GABRG3: variants seen among roughly 807,000 people sequenced by gnomAD.
The protein encoded by GABRG3 is gamma-aminobutyric acid type A receptor subunit gamma3, also known as gamma-aminobutyric acid receptor subunit gamma-3.
GABRG3 carries 25 observed loss-of-function variants against 48.8 expected under a neutral mutation model. The observed-to-expected ratio is 0.51, with a 90% CI of 0.37 to 0.72. The LOEUF is 0.72. Among genes scored for constraint, GABRG3 ranks in the 30% least tolerant of loss-of-function variants. GABRG3 has a pLI of 0.00. For missense variants in GABRG3, 394 were observed against 577.9 expected (o/e 0.68, Z 3.26); for synonymous variants, 227 against 217.6 (o/e 1.04, Z -0.38).
intron 3 of GABRG3, among the ~76,000 whole-genome samples, chr15:27,198,626 C>T (rs1450724205): frequency 6.6e-6 from 1 of 152,106 alleles, no homozygotes; most frequent in African/African-American, 2.4e-5. Flanking sequence ...TACCATTTGA[C>T]CCAGCAATCC....
chr15:27,530,897 T>C (rs3097489), intron 9 of GABRG3: 199,936 of 329,374 alleles, frequency 0.61, 62,692 homozygotes, highest in African/African-American at 0.8. Context: ...TGCAATTGTT[T>C]GTTAATAAAG....
intron 3 of GABRG3, among the ~76,000 whole-genome samples, chr15:27,159,976 A>G (rs1191413321): frequency 2.6e-5 from 4 of 152,130 alleles, no homozygotes; most frequent in Non-Finnish European, 4.4e-5. Flanking sequence ...CTCCATGGCC[A>G]CAGACTCAGA....
chr15:27,508,211 A>G (rs945275460), intron 6 of GABRG3, among the ~76,000 whole-genome samples: 2 of 152,190 alleles, frequency 1.3e-5, no homozygotes, highest in African/African-American at 4.8e-5. Flanking sequence ...TTGTAAAAAC[A>G]TATTCCAGCT....
intron 5 of GABRG3, among the ~76,000 whole-genome samples, chr15:27,474,782 A>T (rs1889884953): frequency 6.6e-6 from 1 of 152,176 alleles, no homozygotes; most frequent in African/African-American, 2.4e-5. Flanking sequence ...AAAGGTCAAG[A>T]CAATAAGCAG....
intron 3 of GABRG3, among the ~76,000 whole-genome samples, chr15:27,235,435 C>A (rs1889929705): frequency 6.6e-6 from 1 of 150,740 alleles, no homozygotes; most frequent in Non-Finnish European, 1.5e-5. Flanking sequence ...ACATGGCTCA[C>A]TGTGTTTGTG....
intron 3 of GABRG3, among the ~76,000 whole-genome samples, chr15:27,176,515 G>A (rs116207567): frequency 6.6e-6 from 1 of 152,198 alleles, no homozygotes; most frequent in Non-Finnish European, 1.5e-5. Context: ...AGGAGTACCA[G>A]CAGTTATGGA....
intron 3 of GABRG3, among the ~76,000 whole-genome samples, chr15:27,270,208 A>G (rs928620245): frequency 2.6e-5 from 4 of 152,220 alleles, no homozygotes; most frequent in Non-Finnish European, 4.4e-5. Context: ...ATTATGAATG[A>G]TGTGTGTTTG....
intron 3 of GABRG3, among the ~76,000 whole-genome samples, chr15:27,073,984 C>T (rs1345778327): frequency 6.6e-6 from 1 of 152,194 alleles, no homozygotes; most frequent in East Asian, 1.9e-4. Flanking sequence ...TACAGTTCCA[C>T]GTGGCTGGGG....
chr15:27,218,964 G>A (rs989170263), intron 3 of GABRG3, among the ~76,000 whole-genome samples: 2 of 152,064 alleles, frequency 1.3e-5, no homozygotes, highest in African/African-American at 2.4e-5. Flanking sequence ...AATCCCCCTG[G>A]TCTCCTCTCT....
chr15:27,536,813 T>G lies in GABRG3; in HGVS notation c.*3932T>G, dbSNP rs908810742. Reference sequence around the variant, plus strand: ...AGAGGGGCCGGTAACCCATTCTGCATTGACTCCAGCTCCCTATGACTAGGA... The same window carrying G: ...AGAGGGGCCGGTAACCCATTCTGCAGTGACTCCAGCTCCCTATGACTAGGA... On this transcript the variant is annotated 3_prime_UTR_variant, in exon 10 of 10. Transcript: ENST00000615808. 6.6e-6 allele frequency: 1 copy of G among 152,166 alleles called. No homozygotes were observed. The highest frequency in any genetic ancestry group is 2.4e-5 in the African/African-American group (1 of 41,434). 9.4% of individuals were successfully genotyped at this position (152,166 alleles called of 1,614,324 possible). A position where few individuals can be genotyped will look rare whatever the true frequency, so the allele number is the denominator to read the frequency against.
chr15:27,333,576 C>A (rs1347165242), intron 5 of GABRG3, among the ~76,000 whole-genome samples: 24 of 152,216 alleles, frequency 1.6e-4, no homozygotes, highest in Non-Finnish European at 1.5e-5. Context: ...GATCTCCCAT[C>A]TAAGATCCTT....
intron 5 of GABRG3, among the ~76,000 whole-genome samples, chr15:27,431,860 A>G (rs544087360): frequency 2.0e-5 from 3 of 152,256 alleles, no homozygotes; most frequent in Admixed American, 6.5e-5. Context: ...CTCTTGTTTA[A>G]AAGTATTTCC....
chr15:27,193,432 C>T, intron 3 of GABRG3, among the ~76,000 whole-genome samples: 1 of 151,914 alleles, frequency 6.6e-6, no homozygotes, highest in East Asian at 1.9e-4. Context: ...GGCGGGCGCC[C>T]CTCCCCCAGC....
intron 5 of GABRG3, among the ~76,000 whole-genome samples, chr15:27,378,808 C>T (rs1375889371): frequency 2.0e-5 from 3 of 152,160 alleles, no homozygotes; most frequent in Non-Finnish European, 4.4e-5. Flanking sequence ...CCTCTGTCCT[C>T]TGGAGTTGAT....
At chr15:27,524,196 A>T (rs147640796) in intron 7 of GABRG3, among the ~76,000 whole-genome samples, 12 of 152,240 alleles carry the variant, frequency 7.9e-5, no homozygotes, top group Non-Finnish European at 1.8e-4. Flanking sequence ...TCTCATCCAA[A>T]CCATGGAGGC....
intron 3 of GABRG3, among the ~76,000 whole-genome samples, chr15:27,275,996 CA>C (rs933448290): frequency 6.6e-6 from 1 of 152,130 alleles, no homozygotes; most frequent in African/African-American, 2.4e-5. Context: ...TCTGCATCTG[CA>C]AAAAATATGC....
intron 2 of GABRG3, among the ~76,000 whole-genome samples, chr15:26,978,660 T>A (rs1358271184): frequency 2.0e-5 from 3 of 152,170 alleles, no homozygotes; most frequent in Non-Finnish European, 4.4e-5. Flanking sequence ...TATTTCTGGT[T>A]CTCTGTTTCG....
intron 5 of GABRG3, among the ~76,000 whole-genome samples, chr15:27,358,374 T>C (rs571312331): frequency 6.6e-6 from 1 of 152,324 alleles, no homozygotes; most frequent in South Asian, 2.1e-4. Context: ...TTGGCAAATC[T>C]GCTCTGGGGG....
At chr15:27,085,150 C>G (rs746705746) in intron 3 of GABRG3, among the ~76,000 whole-genome samples, 6 of 152,190 alleles carry the variant, frequency 3.9e-5, no homozygotes, top group African/African-American at 7.2e-5. Context: ...TGTGAACAGT[C>G]ATTCTGACAC....
Sources: gnomAD v4.1 joint callset for allele counts (sites outside exome capture counted in the v4.1 genomes callset) on GRCh38, gnomAD v4.1.1 for gene constraint, MANE v1.5 for transcripts, NCBI Gene and HGNC (gene_info 2026-07-23, HGNC 2026-07-21) for gene names.